Variants in EXOC6B observed in about 807,000 individuals in gnomAD.
EXOC6B encodes the protein exocyst complex component 6B, also known as SEC15 homolog B.
EXOC6B carries 54 observed loss-of-function variants against 113.5 expected under a neutral mutation model. The observed-to-expected ratio is 0.48, with a 90% confidence interval of 0.38 to 0.60. EXOC6B has a LOEUF of 0.60. EXOC6B is among the 20% of genes least tolerant of loss of function. The pLI is 0.00. For missense variants in EXOC6B, 797 were observed against 977.5 expected (o/e 0.82, Z 2.46); for synonymous variants, 357 against 339.0 (o/e 1.05, Z -0.58).
At chr2:72,463,241 T>TG (rs1697817866) in intron 18 of EXOC6B, 1 of 152,154 alleles carries the variant, frequency 6.6e-6, no homozygotes, top group African/African-American at 2.4e-5. Context: ...CATAGTTTTT[T>TG]TGTGTGTGCT....
At chr2:72,645,435 C>A (rs1400232584) in intron 6 of EXOC6B, among the ~76,000 whole-genome samples, 1 of 152,130 alleles carries the variant, frequency 6.6e-6, no homozygotes, top group Non-Finnish European at 1.5e-5. Flanking sequence ...CTGCACCAAG[C>A]AGACCTAATA....
intron 6 of EXOC6B, among the ~76,000 whole-genome samples, chr2:72,599,181 A>C (rs4852880): frequency 0.89 from 135,523 of 152,078 alleles, 60,430 homozygotes; most frequent in East Asian, 0.99. Context: ...TGCAAATCCA[A>C]CAATGTATAA....
chr2:72,484,498 C>T (rs1471683697), intron 16 of EXOC6B, among the ~76,000 whole-genome samples: 5 of 143,770 alleles, frequency 3.5e-5, no homozygotes, highest in Non-Finnish European at 6.0e-5. Context: ...ACCCAGGAGG[C>T]GGAGCTTGCA....
intron 18 of EXOC6B, among the ~76,000 whole-genome samples, chr2:72,406,269 C>A (rs1031216396): frequency 2.6e-4 from 40 of 152,144 alleles, no homozygotes; most frequent in Non-Finnish European, 4.7e-4. Context: ...CTTTAACACC[C>A]CACTGTCAAC....
intron 6 of EXOC6B, among the ~76,000 whole-genome samples, chr2:72,661,640 C>G (rs1380177276): frequency 2.6e-5 from 4 of 152,002 alleles, no homozygotes; most frequent in African/African-American, 9.7e-5. Flanking sequence ...AATTCAGCTA[C>G]AGATTCGATG....
In EXOC6B at chr2:72,773,120, C is replaced by CTTTTTTTTTTT. The variant is rs1254377634; in HGVS notation, c.114-31662_114-31652dup. Among the ~76,000 whole-genome samples, 70 of 94,884 alleles carry CTTTTTTTTTTT rather than the reference C, an allele frequency of 7.4e-4. 5 individuals carry two copies. Among genetic ancestry groups the CTTTTTTTTTTT allele is most frequent in the African/African-American group, 3.0e-3 (65 of 21,320 alleles). The allele number at this position is 94,884 out of a possible 152,430, so 62.2% of individuals were successfully genotyped here. On this transcript the variant is annotated intron_variant, in intron 1 of 21. Transcript: ENST00000272427. ...GCTAAGACAGTAGACCTTAGATTTT[C>CTTTTTTTTTTT]TTTTTTTTTTTTTTTTTTTTTTGTG...
At chr2:72,404,795 G>A (rs1019446682) in intron 18 of EXOC6B, among the ~76,000 whole-genome samples, 1 of 152,178 alleles carries the variant, frequency 6.6e-6, no homozygotes, top group African/African-American at 2.4e-5. Flanking sequence ...CTAAAAATCA[G>A]AGCGCCTTTC....
At chr2:72,699,206 G>A (rs534894181) in intron 6 of EXOC6B, among the ~76,000 whole-genome samples, 7 of 152,258 alleles carry the variant, frequency 4.6e-5, no homozygotes, top group East Asian at 1.9e-4. Flanking sequence ...ATGGCCGGGC[G>A]CGGTGGCTCA....
chr2:72,651,786 G>A (rs1050657521), intron 6 of EXOC6B, among the ~76,000 whole-genome samples: 10 of 152,090 alleles, frequency 6.6e-5, no homozygotes, highest in Admixed American at 2.0e-4. Flanking sequence ...TAGTAGAGAC[G>A]GGGTTTCACT....
chr2:72,568,799 A>G (rs1704347487), intron 7 of EXOC6B, among the ~76,000 whole-genome samples: 1 of 152,050 alleles, frequency 6.6e-6, no homozygotes, highest in Non-Finnish European at 1.5e-5. Context: ...AAAGGATTAT[A>G]TTCCACAGTT....
chr2:72,438,338 T>C (rs192334931), intron 18 of EXOC6B, among the ~76,000 whole-genome samples: 169 of 149,502 alleles, frequency 1.1e-3, no homozygotes, highest in African/African-American at 3.9e-3. Flanking sequence ...TGGCTGGGCA[T>C]AGTGGCTCAC....
intron 8 of EXOC6B, among the ~76,000 whole-genome samples, chr2:72,523,186 T>G (rs1438844694): frequency 6.6e-6 from 1 of 152,176 alleles, no homozygotes; most frequent in African/African-American, 2.4e-5. Flanking sequence ...AGGTTACAAA[T>G]GTACACCAGT....
At chr2:72,246,316 A>T (rs1477469320) in intron 20 of EXOC6B, among the ~76,000 whole-genome samples, 1 of 152,128 alleles carries the variant, frequency 6.6e-6, no homozygotes, top group African/African-American at 2.4e-5. Context: ...CCCCTTTCAT[A>T]GAATCCAACT....
chr2:72,522,429 T>C (rs1208600834), intron 8 of EXOC6B, among the ~76,000 whole-genome samples: 1 of 152,116 alleles, frequency 6.6e-6, no homozygotes, highest in Non-Finnish European at 1.5e-5. Context: ...TCTTTTTTTT[T>C]AACCTTTTGT....
At chr2:72,291,079 G>A (rs911314435) in intron 20 of EXOC6B, among the ~76,000 whole-genome samples, 4 of 152,102 alleles carry the variant, frequency 2.6e-5, no homozygotes, top group Admixed American at 6.6e-5. Context: ...GCTCATAAAC[G>A]TTTGAAAATA....
At chr2:72,533,485 G>C (rs1418418530) in intron 8 of EXOC6B, among the ~76,000 whole-genome samples, 1 of 152,188 alleles carries the variant, frequency 6.6e-6, no homozygotes, top group Non-Finnish European at 1.5e-5. Context: ...CACATTATTA[G>C]AGTTTCTCAT....
rs1677924631 is a variant in EXOC6B at position 72,179,147 on chromosome 2, A to G, written c.*188T>C. The G allele has an allele frequency of 1.6e-6, 1 of 619,422 alleles. No homozygotes were observed. Among genetic ancestry groups the G allele is most frequent in the Non-Finnish European group, 2.7e-6 (1 of 375,746 alleles). 38.4% of individuals were successfully genotyped at this position (619,422 alleles called of 1,614,324 possible). On this transcript the variant is annotated 3_prime_UTR_variant, in exon 22 of 22. Coordinates refer to ENST00000272427, the MANE Select transcript of EXOC6B (RefSeq NM_015189.3). ...CTGAGTCCCAGCCTAGCAACATCTC[A>G]TGTACTTGCTTATTCTTGTGCCTCT...
intron 6 of EXOC6B, among the ~76,000 whole-genome samples, chr2:72,683,185 C>T (rs769813002): frequency 2.0e-5 from 3 of 152,128 alleles, no homozygotes; most frequent in Non-Finnish European, 2.9e-5. Context: ...GAATCAGTTT[C>T]ACTGGATTAT....
At chr2:72,656,213 T>TA (rs1485133268) in intron 6 of EXOC6B, among the ~76,000 whole-genome samples, 1 of 152,044 alleles carries the variant, frequency 6.6e-6, no homozygotes, top group Non-Finnish European at 1.5e-5. Flanking sequence ...GAAAAACTAA[T>TA]AGAACACAAA....
Sources: gnomAD v4.1 joint callset for allele counts (sites outside exome capture counted in the v4.1 genomes callset) on GRCh38, gnomAD v4.1.1 for gene constraint, MANE v1.5 for transcripts, NCBI Gene and HGNC (gene_info 2026-07-23, HGNC 2026-07-21) for gene names.